CREB1: variants seen among roughly 807,000 people sequenced by gnomAD.
CREB1 encodes cyclic AMP-responsive element-binding protein 1.
Under a neutral mutation model 42.0 loss-of-function variants are expected in CREB1, and 2 were observed. That is an observed-to-expected ratio of 0.05 (90% CI 0.02 to 0.15). The LOEUF (loss-of-function observed/expected upper bound fraction) is 0.15, where lower values mean the gene tolerates loss of function less well. CREB1 is among the 10% of genes least tolerant of loss of function. CREB1 has a pLI of 1.00. For synonymous variants in CREB1, 123 were observed against 139.9 expected (o/e 0.88, Z 0.85); for missense variants, 199 against 388.9 (o/e 0.51, Z 4.11).
chr2:207,591,432 G>GT (rs2085004620), intron 7 of CREB1, among the ~76,000 whole-genome samples: 1 of 152,012 alleles, frequency 6.6e-6, no homozygotes, highest in Non-Finnish European at 1.5e-5. Context: ...GGTTTGTTTT[G>GT]TTTTTGTTTG....
intron 6 of CREB1, chr2:207,577,274 A>G: frequency 1.9e-6 from 2 of 1,062,312 alleles, no homozygotes; most frequent in Non-Finnish European, 2.5e-6. Flanking sequence ...AATGAAAAAT[A>G]AAATGTAAGA....
intron 2 of CREB1, among the ~76,000 whole-genome samples, chr2:207,556,358 A>T (rs2081722500): frequency 6.6e-6 from 1 of 152,178 alleles, no homozygotes; most frequent in African/African-American, 2.4e-5. Flanking sequence ...GTTTACATAG[A>T]TAGGAATGAG....
intron 7 of CREB1, among the ~76,000 whole-genome samples, chr2:207,595,738 A>T (rs976723885): frequency 1.6e-4 from 25 of 151,998 alleles, no homozygotes; most frequent in African/African-American, 4.6e-4. Flanking sequence ...CTAAATTTTT[A>T]AAAATTTTTT....
Position 207,575,442 on chromosome 2 carries a change from G to C in CREB1, c.676G>C (p.Val226Leu). 6.2e-7 allele frequency: 1 copy of C among 1,611,020 alleles called. No homozygotes were observed. Among genetic ancestry groups the C allele is most frequent in the Non-Finnish European group, 8.5e-7 (1 of 1,177,838 alleles). ...GQQILVPSNQVVVQAASGDVQ... is the reference protein window; with the variant it reads ...GQQILVPSNQLVVQAASGDVQ... ...GCAGATCTTAGTGCCCAGCAACCAA[G>C]TTGTTGTTCAAGGTAAGGGAATTCA... Residue 226 changes from valine to leucine, a missense_variant, in exon 6 of 8, where the codon GTT (valine) becomes CTT (leucine). Val to Leu is a conservative substitution (Grantham distance 32). Transcript: ENST00000353267.
chr2:207,567,411 T>C (rs1311525677), intron 3 of CREB1, 52 bp from the exon 4 acceptor site: 1 of 1,331,814 alleles, frequency 7.5e-7, no homozygotes, highest in Non-Finnish European at 1.1e-6. Flanking sequence ...TTAATAAAAA[T>C]TTTACAGGAA....
chr2:207,531,819 G>A (rs2080643625), intron 1 of CREB1, among the ~76,000 whole-genome samples: 2 of 152,136 alleles, frequency 1.3e-5, no homozygotes, highest in African/African-American at 2.4e-5. Context: ...TTATTTTTCT[G>A]TATTCTAGTC....
chr2:207,539,706 T>C (rs2081019133), intron 1 of CREB1, among the ~76,000 whole-genome samples: 2 of 152,196 alleles, frequency 1.3e-5, no homozygotes, highest in South Asian at 2.1e-4. Flanking sequence ...TTTACTGTCT[T>C]GAAGAGCTAC....
intron 6 of CREB1, chr2:207,576,992 T>G: frequency 1.1e-6 from 1 of 894,874 alleles, no homozygotes; most frequent in South Asian, 5.1e-5. Context: ...TGATACACTT[T>G]TTCATACTTT....
At chr2:207,581,780 GT>G (rs1372690134) in intron 7 of CREB1, 3 of 684,536 alleles carry the variant, frequency 4.4e-6, no homozygotes, top group Non-Finnish European at 7.9e-6. Context: ...TATTTCCCCA[GT>G]TTTTTTACTT....
chr2:207,603,243 T>C lies in CREB1; in HGVS notation c.*6185T>C, dbSNP rs925314619. The C allele has an allele frequency of 4.5e-6, 1 of 220,252 alleles. No homozygotes were observed. Among genetic ancestry groups the C allele is most frequent in the African/African-American group, 2.2e-5 (1 of 44,682 alleles). 13.6% of individuals were successfully genotyped at this position (220,252 alleles called of 1,614,324 possible). A position where few individuals can be genotyped will look rare whatever the true frequency, so the allele number is the denominator to read the frequency against. On this transcript the variant is annotated 3_prime_UTR_variant, in exon 8 of 8. Transcript: ENST00000353267. Reference sequence around the variant, plus strand: ...GTTACAATGCATTTTATTAACACTATGTACATAATAGCTGCTTTGTGTTCA... The same window carrying C: ...GTTACAATGCATTTTATTAACACTACGTACATAATAGCTGCTTTGTGTTCA...
intron 3 of CREB1, among the ~76,000 whole-genome samples, chr2:207,564,236 G>A (rs1013440370): frequency 1.3e-5 from 2 of 152,114 alleles, no homozygotes; most frequent in African/African-American, 4.8e-5. Context: ...GTAAAACACT[G>A]TATCTAAGGC....
chr2:207,560,465 C>T, intron 3 of CREB1, 93 bp downstream of exon 3: 1 of 1,250,720 alleles, frequency 8.0e-7, no homozygotes, highest in South Asian at 1.5e-5. Context: ...AAGGACACAT[C>T]TAGTTCAGTT....
At chr2:207,560,199 A>T in intron 2 of CREB1, 27 bp from the exon 3 acceptor site, 1 of 1,535,696 alleles carries the variant, frequency 6.5e-7, no homozygotes, top group Non-Finnish European at 8.9e-7. Context: ...CTGGGATGAT[A>T]ATTCTTTTCT....
In CREB1 at chr2:207,603,415, C is replaced by T. The variant is rs2106654208; in HGVS notation, c.*6357C>T. The T allele has an allele frequency of 4.5e-6, 1 of 224,516 alleles. No homozygotes were observed. Among genetic ancestry groups the T allele is most frequent in the Non-Finnish European group, 8.9e-6 (1 of 112,654 alleles). The allele number at this position is 224,516 out of a possible 1,614,324, so 13.9% of individuals were successfully genotyped here. A position where few individuals can be genotyped will look rare whatever the true frequency, so the allele number is the denominator to read the frequency against. ...AAACATTTATGTGCAGTCACATAAA[C>T]ATGCTTTTAAAAACTCTGTAAGTCT... On this transcript the variant is annotated 3_prime_UTR_variant, in exon 8 of 8. Transcript: ENST00000353267.
At chr2:207,561,266 A>C (rs1320895199) in intron 3 of CREB1, 2 of 1,000,722 alleles carry the variant, frequency 2.0e-6, no homozygotes. Flanking sequence ...GAATTTCAAC[A>C]CTTGAACAAA....
At chr2:207,558,400 A>G (rs2081818353) in intron 2 of CREB1, among the ~76,000 whole-genome samples, 1 of 152,218 alleles carries the variant, frequency 6.6e-6, no homozygotes, top group South Asian at 2.1e-4. Context: ...TCTCTTTCAG[A>G]CATGAAACAT....
At chr2:207,535,298 T>A (rs1357139937) in intron 1 of CREB1, among the ~76,000 whole-genome samples, 2 of 152,240 alleles carry the variant, frequency 1.3e-5, no homozygotes, top group Non-Finnish European at 2.9e-5. Flanking sequence ...AAGGTGAATT[T>A]AACTCTTTTG....
At position 207,548,558 on chromosome 2, in the gene CREB1, G is replaced by A. The variant is rs188498806; in HGVS notation, c.-8-7070G>A. ...CTAAGGTCAGGAGTTTGAGACCAGC[G>A]TGGCCAACATGGTGAAACCCTGTCT... On this transcript the variant is annotated intron_variant, in intron 1 of 7. Transcript: ENST00000353267. Among the ~76,000 whole-genome samples, 24 of 151,978 alleles carry A rather than the reference G, an allele frequency of 1.6e-4. 1 individual carries two copies. The highest frequency in any genetic ancestry group is 3.9e-4 in the East Asian group (2 of 5,142).
chr2:207,588,201 C>T (rs1017006865), intron 7 of CREB1, among the ~76,000 whole-genome samples: 3 of 152,178 alleles, frequency 2.0e-5, no homozygotes, highest in Admixed American at 6.5e-5. Context: ...ATAATTCCCT[C>T]CTGAGTTTAC....
Sources: allele counts gnomAD v4.1 joint callset (sites outside exome capture counted in the v4.1 genomes callset), GRCh38; gene constraint gnomAD v4.1.1; transcripts MANE v1.5; gene names NCBI Gene and HGNC (gene_info 2026-07-23, HGNC 2026-07-21).